Variants in PHF24 observed in about 807,000 individuals in gnomAD.
PHF24 encodes PHD finger protein 24.
A neutral mutation model predicts 42.6 loss-of-function variants in PHF24; 25 were observed. The observed-to-expected ratio is 0.59, with a 90% CI of 0.43 to 0.82. The LOEUF is 0.82. Among genes scored for constraint, PHF24 ranks in the 40% least tolerant of loss-of-function variants. The pLI is 0.00. For synonymous variants in PHF24, 185 were observed against 204.8 expected, an observed-to-expected ratio of 0.90 and a Z score of 0.83; for missense variants, 470 against 538.1, an observed-to-expected ratio of 0.87 and a Z score of 1.25.
the PHF24 span, chr9:34,723,297 G>T: frequency 1.3e-6 from 2 of 1,551,614 alleles, no homozygotes; most frequent in African/African-American, 2.7e-5. Flanking sequence ...CAGTGGCGGG[G>T]GTAGCCCAGG....
the PHF24 span, chr9:34,922,118 A>G: frequency 2.3e-6 from 3 of 1,315,606 alleles, no homozygotes; most frequent in Non-Finnish European, 3.2e-6. Flanking sequence ...TTTGTGGGAC[A>G]GCATGGATGA....
chr9:34,972,499 C>T (rs1441263966), exon 3 of PHF24: 6 of 1,613,016 alleles, frequency 3.7e-6, no homozygotes, highest in Non-Finnish European at 5.1e-6. Flanking sequence ...GGAGATGGCC[C>T]ACACAGAAAC....
At chr9:34,976,711 C>A in exon 5 of PHF24, 1 of 1,613,896 alleles carries the variant, frequency 6.2e-7, no homozygotes. Context: ...CCATGAGTCC[C>A]TCCTGCTTCT....
chr9:34,878,595 G>A, the PHF24 span, among the ~76,000 whole-genome samples: 4 of 152,198 alleles, frequency 2.6e-5, no homozygotes, highest in Admixed American at 1.3e-4. Context: ...AGGGTCCCAC[G>A]CCCATGGAGC....
At chr9:34,868,852 A>G in the PHF24 span, among the ~76,000 whole-genome samples, 1 of 151,870 alleles carries the variant, frequency 6.6e-6, no homozygotes, top group Non-Finnish European at 1.5e-5. Context: ...AGATCAACCC[A>G]TCACCTAGTC....
the PHF24 span, among the ~76,000 whole-genome samples, chr9:34,697,526 G>T: frequency 9.2e-5 from 14 of 152,188 alleles, no homozygotes; most frequent in African/African-American, 3.4e-4. Flanking sequence ...CATCATGTTG[G>T]CCAGGCTGGT....
the PHF24 span, among the ~76,000 whole-genome samples, chr9:34,952,255 G>C: frequency 9.2e-5 from 14 of 152,222 alleles, no homozygotes; most frequent in East Asian, 2.7e-3. Context: ...CAAAAACCAA[G>C]TATACGTCTA....
the PHF24 span, among the ~76,000 whole-genome samples, chr9:34,876,948 T>C: frequency 6.6e-6 from 1 of 152,158 alleles, no homozygotes; most frequent in South Asian, 2.1e-4. Flanking sequence ...ATGTGGTATA[T>C]ACATACAATG....
the PHF24 span, among the ~76,000 whole-genome samples, chr9:34,779,485 A>T: frequency 6.6e-6 from 1 of 152,186 alleles, no homozygotes; most frequent in Non-Finnish European, 1.5e-5. Flanking sequence ...TTTCAGTTGA[A>T]TTTGTTGGAG....
the PHF24 span, among the ~76,000 whole-genome samples, chr9:34,740,319 G>T: frequency 0.78 from 118,838 of 152,226 alleles, 47,047 homozygotes; most frequent in East Asian, 0.95. Flanking sequence ...GGGCCGCCCA[G>T]GAGCCCACGG....
At chr9:34,884,124 C>G in the PHF24 span, among the ~76,000 whole-genome samples, 1 of 152,072 alleles carries the variant, frequency 6.6e-6, no homozygotes, top group Non-Finnish European at 1.5e-5. Flanking sequence ...GACAGAAAAC[C>G]AAGCACCGCA....
At chr9:34,905,259 G>A in the PHF24 span, among the ~76,000 whole-genome samples, 1 of 152,136 alleles carries the variant, frequency 6.6e-6, no homozygotes, top group African/African-American at 2.4e-5. Context: ...CTAAACACCA[G>A]ACTACTGGCA....
chr9:34,783,270 C>T, the PHF24 span, among the ~76,000 whole-genome samples: 1 of 152,264 alleles, frequency 6.6e-6, no homozygotes, highest in Admixed American at 6.5e-5. Flanking sequence ...GCCATCTTAT[C>T]CACATGGATT....
the PHF24 span, among the ~76,000 whole-genome samples, chr9:34,822,415 A>G: frequency 6.6e-5 from 10 of 152,358 alleles, no homozygotes; most frequent in South Asian, 4.1e-4. Context: ...TTCACATACT[A>G]TAAAATTCAT....
the PHF24 span, among the ~76,000 whole-genome samples, chr9:34,857,972 G>T: frequency 9.2e-3 from 882 of 95,764 alleles, 12 homozygotes; most frequent in African/African-American, 0.018. Flanking sequence ...TGTTTCTCTG[G>T]TTTTTTTTTT....
the PHF24 span, among the ~76,000 whole-genome samples, chr9:34,676,458 G>T: frequency 1.3e-5 from 2 of 152,172 alleles, no homozygotes; most frequent in African/African-American, 4.8e-5. Context: ...GGGAAGTTGA[G>T]GCTGAAGTGA....
the PHF24 span, chr9:34,691,145 G>A: frequency 4.3e-6 from 7 of 1,613,188 alleles, no homozygotes; most frequent in African/African-American, 4.0e-5. Context: ...GCCATGGAGG[G>A]TGAACAGAGG....
chr9:34,754,723 AAGTCAG>A, the PHF24 span, among the ~76,000 whole-genome samples: 4 of 152,182 alleles, frequency 2.6e-5, no homozygotes, highest in Admixed American at 6.5e-5. Context: ...AAAAGAAAAG[AAGTCAG>A]TATATCAAAG....
the PHF24 span, among the ~76,000 whole-genome samples, chr9:34,831,516 T>C: frequency 2.0e-5 from 3 of 152,024 alleles, no homozygotes; most frequent in Non-Finnish European, 4.4e-5. Context: ...CACCCTGCCC[T>C]TCATCACACT....
Sources: gnomAD v4.1 joint callset for allele counts (sites outside exome capture counted in the v4.1 genomes callset) on GRCh38, gnomAD v4.1.1 for gene constraint, MANE v1.5 for transcripts, NCBI Gene and HGNC (gene_info 2026-07-23, HGNC 2026-07-21) for gene names.